The following C5 variants were observed in gnomAD, a reference collection of about 807,000 sequenced individuals.
C5 encodes complement C5.
Under a neutral mutation model 218.8 loss-of-function variants are expected in C5, and 140 were observed. The observed-to-expected ratio is 0.64, with a 90% CI of 0.56 to 0.74. The LOEUF (loss-of-function observed/expected upper bound fraction) is 0.74, where lower values mean the gene tolerates loss of function less well. Ranked by LOEUF, C5 falls within the 30% of genes least tolerant of loss-of-function variation. The pLI is 0.00. For missense variants in C5, 1,700 were observed against 1,969.6 expected, an observed-to-expected ratio of 0.86 and a Z score of 2.59; for synonymous variants, 614 against 682.3, an observed-to-expected ratio of 0.90 and a Z score of 1.56.
At chr9:120,991,921 A>C (rs768433353) in intron 22 of C5, among the ~76,000 whole-genome samples, 6 of 152,212 alleles carry the variant, frequency 3.9e-5, no homozygotes, top group Non-Finnish European at 7.3e-5. Context: ...TATTTTCATT[A>C]GTTTAATTTT....
At chr9:120,989,183 C>A (rs2047057163) in intron 24 of C5, 62 bp from the exon 25 acceptor site, 1 of 1,287,272 alleles carries the variant, frequency 7.8e-7, no homozygotes, top group African/African-American at 1.5e-5. Context: ...TCAAAGAACA[C>A]TTTATCAGGC....
At chr9:121,025,205 C>T (rs2047409140) in intron 9 of C5, among the ~76,000 whole-genome samples, 1 of 152,146 alleles carries the variant, frequency 6.6e-6, no homozygotes. Context: ...ACTGTTTTCC[C>T]ATTTTTGCAG....
intron 12 of C5, among the ~76,000 whole-genome samples, chr9:121,019,394 A>C (rs1025058189): frequency 3.3e-4 from 51 of 152,266 alleles, no homozygotes; most frequent in African/African-American, 1.2e-3. Flanking sequence ...GGAAGCTCTT[A>C]ATATTTTCTG....
At chr9:121,009,690 C>T (rs932033996) in intron 17 of C5, among the ~76,000 whole-genome samples, 9 of 152,162 alleles carry the variant, frequency 5.9e-5, no homozygotes, top group African/African-American at 9.7e-5. Context: ...TCAAGAGAAC[C>T]GAAAATCAGG....
intron 22 of C5, among the ~76,000 whole-genome samples, chr9:120,993,567 T>C (rs7035199): frequency 0.64 from 96,507 of 151,814 alleles, 30,828 homozygotes; most frequent in East Asian, 0.81. Flanking sequence ...GGACTACAGG[T>C]GCCCACCACC....
At chr9:120,992,784 A>G (rs2047086530) in intron 22 of C5, among the ~76,000 whole-genome samples, 2 of 152,218 alleles carry the variant, frequency 1.3e-5, no homozygotes, top group African/African-American at 4.8e-5. Flanking sequence ...ATATCCAGCA[A>G]TGTCTTTGTG....
At chr9:121,061,514 C>T in the C5 span, among the ~76,000 whole-genome samples, 3 of 152,204 alleles carry the variant, frequency 2.0e-5, no homozygotes, top group Non-Finnish European at 4.4e-5. Context: ...TACCACTGCA[C>T]TCCAGCCTGG....
At chr9:121,028,724 G>T (rs1325138377) in intron 7 of C5, among the ~76,000 whole-genome samples, 1 of 152,128 alleles carries the variant, frequency 6.6e-6, no homozygotes, top group Non-Finnish European at 1.5e-5. Context: ...GATAGCATTA[G>T]GAGAAATACC....
chr9:121,063,339 T>C, the C5 span, among the ~76,000 whole-genome samples: 2 of 152,094 alleles, frequency 1.3e-5, no homozygotes, highest in Non-Finnish European at 2.9e-5. Context: ...ATTTCAGTTA[T>C]TGTAGTTTTC....
chr9:121,004,692 G>C (rs1426447966), intron 20 of C5, among the ~76,000 whole-genome samples: 1 of 152,002 alleles, frequency 6.6e-6, no homozygotes, highest in Non-Finnish European at 1.5e-5. Flanking sequence ...AGAATTGCTT[G>C]AACAGGGGAG....
At chr9:121,036,299 T>C (rs1283435403) in intron 4 of C5, among the ~76,000 whole-genome samples, 2 of 152,236 alleles carry the variant, frequency 1.3e-5, no homozygotes, top group African/African-American at 4.8e-5. Flanking sequence ...ATTTTGAGGA[T>C]ACTTCCTCTA....
intron 19 of C5, 126 bp downstream of exon 19, chr9:121,006,778 A>G: frequency 1.4e-6 from 1 of 707,454 alleles, no homozygotes; most frequent in Non-Finnish European, 2.5e-6. Flanking sequence ...AATACATAAA[A>G]AAAAGAATAT....
chr9:121,025,647 C>A, intron 8 of C5, 67 bp from the exon 9 acceptor site: 1 of 1,469,278 alleles, frequency 6.8e-7, no homozygotes, highest in South Asian at 1.1e-5. Flanking sequence ...TTAATAAAAT[C>A]TGCTTTTACT....
chr9:120,965,396 T>G (rs1330562684), intron 33 of C5, among the ~76,000 whole-genome samples: 2 of 152,068 alleles, frequency 1.3e-5, no homozygotes, highest in Non-Finnish European at 2.9e-5. Flanking sequence ...AGCTCACACC[T>G]GTAATCCCAG....
chr9:120,996,537 T>G (rs1248547087), intron 21 of C5, among the ~76,000 whole-genome samples: 1 of 152,240 alleles, frequency 6.6e-6, no homozygotes, highest in Non-Finnish European at 1.5e-5. Context: ...TTGTTCTAAG[T>G]GCTTTATATG....
intron 26 of C5, 25 bp from the exon 27 acceptor site, chr9:120,981,964 G>A (rs762571822): frequency 3.6e-4 from 552 of 1,525,690 alleles, no homozygotes; most frequent in Non-Finnish European, 4.8e-4. Context: ...TGTTTTAAAA[G>A]GGGAGTGAAA....
At chr9:120,993,161 T>A (rs2047089429) in intron 22 of C5, among the ~76,000 whole-genome samples, 1 of 152,144 alleles carries the variant, frequency 6.6e-6, no homozygotes, top group Non-Finnish European at 1.5e-5. Flanking sequence ...CAAGTGTTGG[T>A]GAGGTTGTGG....
chr9:121,043,700 C>CTT (rs34794535), intron 2 of C5, among the ~76,000 whole-genome samples: 41,565 of 120,366 alleles, frequency 0.35, 8,398 homozygotes, highest in South Asian at 0.59. Flanking sequence ...GTCCAGCTAA[C>CTT]TTTTTTTTTT....
At chr9:120,961,002 T>C (rs1316058902) in intron 37 of C5, among the ~76,000 whole-genome samples, 4 of 152,220 alleles carry the variant, frequency 2.6e-5, no homozygotes, top group Non-Finnish European at 5.9e-5. Context: ...CAAAACTAAC[T>C]GAGACCCTCA....
Sources: allele counts gnomAD v4.1 joint callset (sites outside exome capture counted in the v4.1 genomes callset), GRCh38; gene constraint gnomAD v4.1.1; transcripts MANE v1.5; gene names NCBI Gene and HGNC (gene_info 2026-07-23, HGNC 2026-07-21).